Variants in RPS6KC1 observed in about 807,000 individuals in gnomAD.
RPS6KC1 encodes ribosomal protein S6 kinase C1.
A neutral mutation model predicts 103.8 loss-of-function variants in RPS6KC1; 54 were observed. The observed-to-expected ratio is 0.52, with a 90% CI of 0.42 to 0.65. The LOEUF (loss-of-function observed/expected upper bound fraction) is 0.65, where lower values mean the gene tolerates loss of function less well. RPS6KC1 is among the 30% of genes least tolerant of loss of function. The pLI is 0.00. For missense variants in RPS6KC1, 1,151 were observed against 1,253.8 expected, an observed-to-expected ratio of 0.92 and a Z score of 1.24; for synonymous variants, 439 against 438.7, an observed-to-expected ratio of 1.00 and a Z score of -0.01.
chr1:213,674,162 G>T, the RPS6KC1 span, among the ~76,000 whole-genome samples: 1 of 152,148 alleles, frequency 6.6e-6, no homozygotes, highest in Admixed American at 6.5e-5. Context: ...GGGACTACAG[G>T]TACATGCCAC....
At chr1:213,636,729 C>G in the RPS6KC1 span, among the ~76,000 whole-genome samples, 1 of 147,560 alleles carries the variant, frequency 6.8e-6, no homozygotes. Flanking sequence ...ACTAAAACAC[C>G]AAAAGCAATG....
At chr1:213,072,896 G>C (rs2079010135) in intron 2 of RPS6KC1, 7 of 977,288 alleles carry the variant, frequency 7.2e-6, no homozygotes, top group African/African-American at 1.8e-5. Flanking sequence ...ACCTATCCAT[G>C]AACATACTCT....
At chr1:213,623,420 C>A in the RPS6KC1 span, among the ~76,000 whole-genome samples, 1 of 152,208 alleles carries the variant, frequency 6.6e-6, no homozygotes, top group South Asian at 2.1e-4. Flanking sequence ...CCTTACTAGC[C>A]ACAAAACCCT....
At chr1:213,267,961 C>T (rs189467067) in intron 14 of RPS6KC1, among the ~76,000 whole-genome samples, 179 of 151,756 alleles carry the variant, frequency 1.2e-3, no homozygotes, top group African/African-American at 3.2e-3. Flanking sequence ...TACCAGTATA[C>T]ATATAATGAT....
At chr1:213,753,427 G>T in the RPS6KC1 span, among the ~76,000 whole-genome samples, 3 of 152,096 alleles carry the variant, frequency 2.0e-5, no homozygotes, top group South Asian at 2.1e-4. Flanking sequence ...AATGGGTTTT[G>T]CTCCCCAAGG....
the RPS6KC1 span, among the ~76,000 whole-genome samples, chr1:213,642,668 G>A: frequency 6.6e-6 from 1 of 151,760 alleles, no homozygotes; most frequent in African/African-American, 2.4e-5. Flanking sequence ...TTATTTGTTA[G>A]TGTACTTTAT....
the RPS6KC1 span, among the ~76,000 whole-genome samples, chr1:213,598,464 G>A: frequency 1.7e-4 from 26 of 152,090 alleles, no homozygotes; most frequent in African/African-American, 6.3e-4. Context: ...TCCTCTCTTT[G>A]GGGCCTCAGT....
intron 6 of RPS6KC1, among the ~76,000 whole-genome samples, chr1:213,142,167 GT>G (rs1312540900): frequency 2.6e-5 from 4 of 151,682 alleles, no homozygotes; most frequent in Non-Finnish European, 5.9e-5. Context: ...TTTAAAATCA[GT>G]TTTTTTTCTG....
chr1:213,706,370 A>G, the RPS6KC1 span, among the ~76,000 whole-genome samples: 1 of 152,176 alleles, frequency 6.6e-6, no homozygotes, highest in African/African-American at 2.4e-5. Context: ...ATAACAGGAC[A>G]GCACTGAGTT....
the RPS6KC1 span, among the ~76,000 whole-genome samples, chr1:213,676,523 G>T: frequency 1.3e-5 from 2 of 152,230 alleles, no homozygotes; most frequent in Non-Finnish European, 2.9e-5. Context: ...TTATAGTTGA[G>T]TTGGGAGTTG....
At chr1:213,792,670 A>G in the RPS6KC1 span, among the ~76,000 whole-genome samples, 1 of 152,218 alleles carries the variant, frequency 6.6e-6, no homozygotes, top group South Asian at 2.1e-4. Context: ...TGAAAAATGC[A>G]TATGAATGGT....
At chr1:213,511,236 A>T in the RPS6KC1 span, among the ~76,000 whole-genome samples, 1 of 152,036 alleles carries the variant, frequency 6.6e-6, no homozygotes, top group Non-Finnish European at 1.5e-5. Context: ...AAGACCAAAA[A>T]CTGGGGGCAC....
At chr1:213,814,581 C>T in the RPS6KC1 span, among the ~76,000 whole-genome samples, 1 of 152,190 alleles carries the variant, frequency 6.6e-6, no homozygotes, top group African/African-American at 2.4e-5. Context: ...AGTTCTTCCA[C>T]TCACCTCCCT....
In RPS6KC1 at chr1:213,108,697, C is replaced by T. The variant is rs188715921; in HGVS notation, c.378+4128C>T. ...AGAATTGGGGTCTCACTTTTTTCAC[C>T]GAGGCTGGGATGCAATGGCACAATA... On this transcript the variant is annotated intron_variant, in intron 4 of 14. Coordinates refer to ENST00000366960, the MANE Select transcript of RPS6KC1 (RefSeq NM_012424.6). Among the ~76,000 whole-genome samples, 32 of 149,130 alleles carry T rather than the reference C, an allele frequency of 2.1e-4. 1 individual carries two copies. Among genetic ancestry groups the T allele is most frequent in the East Asian group, 1.4e-3 (7 of 5,112 alleles).
intron 1 of RPS6KC1, among the ~76,000 whole-genome samples, chr1:213,063,436 GC>G (rs2078021316): frequency 1.3e-5 from 2 of 152,332 alleles, no homozygotes; most frequent in East Asian, 3.9e-4. Flanking sequence ...ATCTTACCAA[GC>G]ATGGTTGTAG....
At chr1:213,626,442 T>C in the RPS6KC1 span, among the ~76,000 whole-genome samples, 2 of 152,214 alleles carry the variant, frequency 1.3e-5, no homozygotes, top group Non-Finnish European at 2.9e-5. Context: ...TAGATCCCAT[T>C]TGTCAATTTT....
chr1:213,225,887 T>G (rs2093948883), intron 8 of RPS6KC1, among the ~76,000 whole-genome samples: 1 of 152,352 alleles, frequency 6.6e-6, no homozygotes, highest in African/African-American at 2.4e-5. Context: ...TAGATATGTC[T>G]TGTTCAAATA....
At chr1:213,296,475 C>G in the RPS6KC1 span, among the ~76,000 whole-genome samples, 1 of 152,200 alleles carries the variant, frequency 6.6e-6, no homozygotes, top group South Asian at 2.1e-4. Context: ...CTTGCATTCT[C>G]TATCCTCATC....
At chr1:213,329,509 G>A in the RPS6KC1 span, among the ~76,000 whole-genome samples, 1 of 152,070 alleles carries the variant, frequency 6.6e-6, no homozygotes, top group Admixed American at 6.6e-5. Flanking sequence ...AAGCCAGCAG[G>A]CAGAATGGAC....
Sources: allele counts gnomAD v4.1 joint callset (sites outside exome capture counted in the v4.1 genomes callset), GRCh38; gene constraint gnomAD v4.1.1; transcripts MANE v1.5; gene names NCBI Gene and HGNC (gene_info 2026-07-23, HGNC 2026-07-21).